Variants in RSRC1 observed in about 807,000 individuals in gnomAD.
The protein encoded by RSRC1 is arginine and serine rich coiled-coil 1, also known as serine/Arginine-related protein 53.
Under a neutral mutation model 49.1 loss-of-function variants are expected in RSRC1, and 39 were observed. That is an observed-to-expected ratio of 0.79 (90% CI 0.61 to 1.04). RSRC1 has a LOEUF of 1.04. RSRC1 is among the 50% of genes least tolerant of loss of function. The pLI is 0.00. For synonymous variants in RSRC1, 143 were observed against 130.8 expected (o/e 1.09, Z -0.63); for missense variants, 388 against 402.4 (o/e 0.96, Z 0.31).
At chr3:158,309,356 A>G (rs1303420677) in intron 5 of RSRC1, among the ~76,000 whole-genome samples, 1 of 151,858 alleles carries the variant, frequency 6.6e-6, no homozygotes, top group African/African-American at 2.4e-5. Flanking sequence ...CTAAGTTTTA[A>G]ACATATTTTC....
chr3:158,127,039 C>A (rs2108172591), intron 3 of RSRC1, among the ~76,000 whole-genome samples: 1 of 152,218 alleles, frequency 6.6e-6, no homozygotes, highest in African/African-American at 2.4e-5. Flanking sequence ...TTTTCTCTTG[C>A]TGCTTTCAAG....
At chr3:158,440,825 C>A (rs1736342763) in intron 6 of RSRC1, among the ~76,000 whole-genome samples, 1 of 151,880 alleles carries the variant, frequency 6.6e-6, no homozygotes, top group Non-Finnish European at 1.5e-5. Flanking sequence ...GCCTGTAATC[C>A]CAGCTACTTG....
intron 5 of RSRC1, among the ~76,000 whole-genome samples, chr3:158,335,297 C>T (rs1054159108): frequency 6.6e-6 from 1 of 151,948 alleles, no homozygotes; most frequent in African/African-American, 2.4e-5. Context: ...TAAGAATGAC[C>T]GGACACAAAG....
rs944522760 is a variant in RSRC1 at position 158,496,150 on chromosome 3, C to T, written c.652+35147C>T. 1.1e-4 allele frequency among the ~76,000 whole-genome samples: 16 copies of T among 152,086 alleles called. 1 individual carries two copies. The highest frequency in any genetic ancestry group is 6.2e-4 in the South Asian group (3 of 4,818). ...TACATTCTTTATAAAATATATCTAG[C>T]GGTGCAATTGGGGCACAAAATTTAC... On this transcript the variant is annotated intron_variant, in intron 7 of 9. Transcript: ENST00000611884.
At chr3:158,238,545 G>A (rs1027703175) in intron 4 of RSRC1, among the ~76,000 whole-genome samples, 4 of 151,740 alleles carry the variant, frequency 2.6e-5, no homozygotes, top group African/African-American at 7.3e-5. Context: ...CAGAACAGAG[G>A]CCACAGAAAT....
chr3:158,486,252 G>A (rs1034628674), intron 7 of RSRC1, among the ~76,000 whole-genome samples: 5 of 152,106 alleles, frequency 3.3e-5, no homozygotes, highest in African/African-American at 1.2e-4. Context: ...TTCTAGTGTT[G>A]ACTGAGCAGC....
At chr3:158,159,970 CT>C (rs1718119038) in intron 3 of RSRC1, among the ~76,000 whole-genome samples, 1 of 152,066 alleles carries the variant, frequency 6.6e-6, no homozygotes, top group Non-Finnish European at 1.5e-5. Flanking sequence ...TCCTATGAAG[CT>C]TTTATCTCTC....
At chr3:158,397,598 G>T (rs1225359115) in intron 6 of RSRC1, among the ~76,000 whole-genome samples, 1 of 152,004 alleles carries the variant, frequency 6.6e-6, no homozygotes, top group Non-Finnish European at 1.5e-5. Context: ...TCACAGCATT[G>T]TCTGTTAGTG....
At chr3:158,343,329 G>A (rs1418426813) in intron 5 of RSRC1, among the ~76,000 whole-genome samples, 4 of 152,066 alleles carry the variant, frequency 2.6e-5, no homozygotes, top group Non-Finnish European at 4.4e-5. Context: ...CTGTGTCCTA[G>A]AACAAAATTC....
At chr3:158,430,476 G>T (rs1735724051) in intron 6 of RSRC1, among the ~76,000 whole-genome samples, 1 of 151,824 alleles carries the variant, frequency 6.6e-6, no homozygotes, top group Non-Finnish European at 1.5e-5. Context: ...ATTGGTTAAG[G>T]TGGGTACTAA....
At chr3:158,246,397 T>TA (rs397821719) in intron 4 of RSRC1, among the ~76,000 whole-genome samples, 86,683 of 147,994 alleles carry the variant, frequency 0.59, 25,227 homozygotes, top group East Asian at 0.72. Context: ...TAAAGTATAA[T>TA]AAAAAAAAAA....
chr3:158,253,417 A>C (rs982340631), intron 4 of RSRC1, among the ~76,000 whole-genome samples: 6 of 151,978 alleles, frequency 3.9e-5, no homozygotes, highest in Admixed American at 6.6e-5. Flanking sequence ...ATTTTATTCC[A>C]CTGTAGTAAG....
At chr3:158,125,599 G>A (rs763240675) in intron 3 of RSRC1, among the ~76,000 whole-genome samples, 9 of 151,928 alleles carry the variant, frequency 5.9e-5, no homozygotes, top group East Asian at 1.9e-4. Context: ...CTATGATTTC[G>A]GTCTTATTAA....
chr3:158,517,261 T>C (rs949877784), intron 7 of RSRC1, among the ~76,000 whole-genome samples: 9 of 152,342 alleles, frequency 5.9e-5, no homozygotes, highest in African/African-American at 1.9e-4. Flanking sequence ...CCTAACAAAT[T>C]ATCTGTAAAT....
chr3:158,185,504 T>A, intron 3 of RSRC1, among the ~76,000 whole-genome samples: 1 of 152,030 alleles, frequency 6.6e-6, no homozygotes, highest in Middle Eastern at 3.4e-3. Flanking sequence ...ATAATAAATA[T>A]AGCCAACTAA....
At chr3:158,529,553 G>A (rs1035275930) in intron 7 of RSRC1, among the ~76,000 whole-genome samples, 1 of 151,850 alleles carries the variant, frequency 6.6e-6, no homozygotes, top group Non-Finnish European at 1.5e-5. Context: ...GGTAATCCAT[G>A]TGAAGTGCTC....
At chr3:158,195,213 C>T (rs1720512254) in intron 3 of RSRC1, among the ~76,000 whole-genome samples, 2 of 152,150 alleles carry the variant, frequency 1.3e-5, no homozygotes, top group Admixed American at 1.3e-4. Context: ...GATGATATCT[C>T]ATTGTGGTTT....
chr3:158,300,778 A>G (rs1015837300), intron 5 of RSRC1, among the ~76,000 whole-genome samples: 1 of 152,194 alleles, frequency 6.6e-6, no homozygotes, highest in Non-Finnish European at 1.5e-5. Flanking sequence ...TTAGATTATC[A>G]TAGAGAGCAT....
At chr3:158,487,110 C>A (rs145808529) in intron 7 of RSRC1, among the ~76,000 whole-genome samples, 1 of 152,248 alleles carries the variant, frequency 6.6e-6, no homozygotes, top group Non-Finnish European at 1.5e-5. Flanking sequence ...AGTTTCTCAG[C>A]TGATTCTTAT....
Sources: gnomAD v4.1 joint callset for allele counts (sites outside exome capture counted in the v4.1 genomes callset) on GRCh38, gnomAD v4.1.1 for gene constraint, MANE v1.5 for transcripts, NCBI Gene and HGNC (gene_info 2026-07-23, HGNC 2026-07-21) for gene names.